The following SP3 variants were observed in gnomAD, a reference collection of about 807,000 sequenced individuals.
SP3 encodes transcription factor Sp3.
In SP3, 10 loss-of-function variants were observed where a neutral mutation model predicts 70.3. The ratio of observed to expected loss-of-function variants is 0.14; its 90% CI spans 0.09 to 0.24. The LOEUF (loss-of-function observed/expected upper bound fraction) is 0.24, where lower values mean the gene tolerates loss of function less well. SP3 is among the 10% of genes least tolerant of loss of function. SP3 has a pLI of 1.00. For missense variants in SP3, 825 were observed against 914.6 expected, an observed-to-expected ratio of 0.90 and a Z score of 1.26; for synonymous variants, 402 against 333.5, an observed-to-expected ratio of 1.21 and a Z score of -2.24.
Position 173,937,212 on chromosome 2 carries a change from G to C in SP3, c.1639+17661C>G, listed in dbSNP as rs112547381. Reference sequence around the variant, plus strand: ...TTTATTAACCCTGTGCCCAAACAAGGCTGCCAAATGAAAGCAGCAAAGACA... The same window carrying C: ...TTTATTAACCCTGTGCCCAAACAAGCCTGCCAAATGAAAGCAGCAAAGACA... On this transcript the variant is annotated intron_variant, in intron 4 of 6. Coordinates refer to ENST00000310015, the MANE Select transcript of SP3 (RefSeq NM_003111.5). 1.1e-3 allele frequency among the ~76,000 whole-genome samples: 173 copies of C among 152,248 alleles called. 3 individuals are homozygous for C. The highest frequency in any genetic ancestry group is 4.0e-3 in the African/African-American group (165 of 41,530).
intron 4 of SP3, among the ~76,000 whole-genome samples, chr2:173,947,806 T>C (rs933010769): frequency 6.6e-6 from 1 of 152,240 alleles, no homozygotes; most frequent in Non-Finnish European, 1.5e-5. Flanking sequence ...TCTTTCTCAG[T>C]ATTACAATTT....
chr2:173,960,326 T>G (rs1282128978), intron 3 of SP3, among the ~76,000 whole-genome samples: 1 of 152,208 alleles, frequency 6.6e-6, no homozygotes, highest in Non-Finnish European at 1.5e-5. Flanking sequence ...GAAATGATTA[T>G]TAACTTAGTT....
intron 4 of SP3, among the ~76,000 whole-genome samples, chr2:173,932,819 C>T (rs982961594): frequency 2.0e-5 from 3 of 151,952 alleles, no homozygotes; most frequent in Non-Finnish European, 4.4e-5. Context: ...GGTGAAACCC[C>T]GTCTCTACTA....
At chr2:173,931,009 A>AT (rs1690050573) in intron 4 of SP3, among the ~76,000 whole-genome samples, 1 of 152,240 alleles carries the variant, frequency 6.6e-6, no homozygotes. Context: ...TAATATTGCA[A>AT]TTAACCAAGC....
chr2:173,945,044 T>G (rs1028304087), intron 4 of SP3, among the ~76,000 whole-genome samples: 2 of 152,232 alleles, frequency 1.3e-5, no homozygotes, highest in African/African-American at 4.8e-5. Flanking sequence ...TTAAATCACA[T>G]AGCTATATCA....
intron 4 of SP3, among the ~76,000 whole-genome samples, chr2:173,946,082 A>G (rs1271770217): frequency 2.0e-5 from 3 of 152,192 alleles, no homozygotes; most frequent in African/African-American, 7.2e-5. Flanking sequence ...AGCCAAGATC[A>G]CACCACTGCA....
At chr2:173,949,353 T>C (rs1690642779) in intron 4 of SP3, among the ~76,000 whole-genome samples, 1 of 147,522 alleles carries the variant, frequency 6.8e-6, no homozygotes, top group African/African-American at 2.6e-5. Context: ...GCTAGTATTT[T>C]ACCCTCAAAA....
chr2:173,923,154 A>G (rs1411495557), intron 4 of SP3, among the ~76,000 whole-genome samples: 1 of 152,080 alleles, frequency 6.6e-6, no homozygotes, highest in Non-Finnish European at 1.5e-5. Flanking sequence ...CTGTTTTTTT[A>G]TGTCTATTCT....
chr2:173,912,743 T>C (rs528657848), intron 6 of SP3, among the ~76,000 whole-genome samples: 10 of 151,080 alleles, frequency 6.6e-5, no homozygotes, highest in Non-Finnish European at 8.9e-5. Context: ...AGAAAAAAAA[T>C]AGGATAGATC....
intron 4 of SP3, among the ~76,000 whole-genome samples, chr2:173,952,008 T>C (rs1690722572): frequency 1.3e-5 from 2 of 152,116 alleles, no homozygotes; most frequent in Non-Finnish European, 2.9e-5. Context: ...TTGAGTTTTC[T>C]AAAATTCTAA....
intron 5 of SP3, chr2:173,914,184 T>C (rs1424494572): frequency 1.3e-5 from 2 of 151,554 alleles, no homozygotes; most frequent in Non-Finnish European, 2.9e-5. Flanking sequence ...AAAAAAAAAT[T>C]AGGCTTGTTA....
In SP3 at chr2:173,913,203, A is replaced by G. The variant is rs1689537240; in HGVS notation, c.1896T>C (p.Tyr632=). The G allele has an allele frequency of 5.6e-6, 9 of 1,612,758 alleles. No individual in the cohort carries two copies. Among genetic ancestry groups the G allele is most frequent in the Non-Finnish European group, 7.6e-6 (9 of 1,179,244 alleles). ...GAGCTCTCAGATGTGAGGTCTTCCC[A>G]TAGACTTTACCACATCCTGGTATAT... ...ICHIPGCGKV[Y]GKTSHLRAHL... The change falls in exon 6 of 7, where the codon TAT becomes TAC. Residue 632 remains tyrosine, a synonymous_variant. Coordinates refer to ENST00000310015, the MANE Select transcript of SP3 (RefSeq NM_003111.5).
intron 4 of SP3, among the ~76,000 whole-genome samples, chr2:173,931,899 G>A (rs945906458): frequency 1.3e-5 from 2 of 152,156 alleles, no homozygotes; most frequent in Non-Finnish European, 2.9e-5. Context: ...GTTGTGGCTG[G>A]TATATCTGGC....
In SP3 at chr2:173,906,604, A is replaced by C. The variant is rs1652811922; in HGVS notation, c.*3337T>G. The C allele has an allele frequency of 6.6e-6, 1 of 152,258 alleles. No homozygotes were observed. Among genetic ancestry groups the C allele is most frequent in the South Asian group, 2.1e-4 (1 of 4,838 alleles). 9.4% of individuals were successfully genotyped at this position (152,258 alleles called of 1,614,324 possible). A position where few individuals can be genotyped will look rare whatever the true frequency, so the allele number is the denominator to read the frequency against. ...TTATATTATTTTAAAACCAAATGTTATTCCATAATCATTTATGCAACAACC... is the reference window on the plus strand; with the variant it reads ...TTATATTATTTTAAAACCAAATGTTCTTCCATAATCATTTATGCAACAACC... On this transcript the variant is annotated 3_prime_UTR_variant, in exon 7 of 7. Transcript: ENST00000310015.
rs57470941 is a variant in SP3, at chr2:173,921,530, AAAACAAACAAAC to A, written c.1640-2757_1640-2746del. ...GAGAGAGCGGTCCCGTCACTATCCA[AAAACAAACAAAC>A]AAACAAACAAACAAACAAACAGGCC... On this transcript the variant is annotated intron_variant, in intron 4 of 6. Coordinates refer to ENST00000310015, the MANE Select transcript of SP3 (RefSeq NM_003111.5). Among the ~76,000 whole-genome samples, 852 of 150,056 alleles carry A rather than the reference AAAACAAACAAAC, an allele frequency of 5.7e-3. 4 individuals are homozygous for A. The highest frequency in any genetic ancestry group is 0.019 in the African/African-American group (771 of 40,700).
At chr2:173,923,539 T>C (rs1689818625) in intron 4 of SP3, among the ~76,000 whole-genome samples, 1 of 152,086 alleles carries the variant, frequency 6.6e-6, no homozygotes, top group Non-Finnish European at 1.5e-5. Flanking sequence ...TAACAGAACA[T>C]TTAAGATAAA....
Position 173,956,027 on chromosome 2 carries a change from T to C in SP3, c.485A>G (p.Asn162Ser), listed in dbSNP as rs1211009017. ...FSVAPGSDSS[N>S]GTVSSVQYQV... ...ATATTGAACACTGGACACTGTACCA[T>C]TTGATGAATCTGATCCTGGTGCAAC... is the stretch of plus-strand genomic sequence containing the variant. Residue 162 changes from asparagine (N) to serine (S), a missense_variant, in exon 4 of 7, where the codon AAT becomes AGT. Asn to Ser is a conservative substitution (Grantham distance 46). This residue lies in a region of SP3 where 678 missense variants were observed against 651.6 expected (regional missense o/e 1.04). Transcript: ENST00000310015. 3 of 1,614,096 alleles carry C rather than the reference T, an allele frequency of 1.9e-6. No individual in the cohort carries two copies. Among genetic ancestry groups the C allele is most frequent in the Non-Finnish European group, 2.5e-6 (3 of 1,180,030 alleles).
intron 4 of SP3, among the ~76,000 whole-genome samples, chr2:173,934,198 C>T (rs190863136): frequency 2.6e-4 from 39 of 151,722 alleles, no homozygotes; most frequent in South Asian, 1.3e-3. Flanking sequence ...TATAATCATA[C>T]CCCTGTAATC....
chr2:173,910,533 C>G (rs746574029), intron 6 of SP3, among the ~76,000 whole-genome samples: 2 of 152,060 alleles, frequency 1.3e-5, no homozygotes, highest in African/African-American at 4.8e-5. Context: ...ATCTCAACTA[C>G]GCTAAGAGTT....
Sources: gnomAD v4.1 joint callset for allele counts (sites outside exome capture counted in the v4.1 genomes callset) on GRCh38, gnomAD v4.1.1 for gene constraint, gnomAD v4.1.1 regional missense constraint, MANE v1.5 for transcripts, NCBI Gene and HGNC (gene_info 2026-07-23, HGNC 2026-07-21) for gene names.